SYNM: variants seen among roughly 807,000 people sequenced by gnomAD.
SYNM encodes the protein desmuslin.
SYNM carries 95 observed loss-of-function variants against 104.0 expected under a neutral mutation model. The observed-to-expected ratio is 0.91, with a 90% confidence interval of 0.77 to 1.08. SYNM has a LOEUF of 1.08. Ranked by LOEUF, SYNM falls within the 50% of genes least tolerant of loss-of-function variation. The probability of loss-of-function intolerance (pLI) is 0.00; values close to 1 mark genes in which losing one functional copy is unlikely to be tolerated. For synonymous variants in SYNM, 918 were observed against 869.0 expected (o/e 1.06, Z -0.99); for missense variants, 2,150 against 2,052.2 (o/e 1.05, Z -0.92).
intron 2 of SYNM, among the ~76,000 whole-genome samples, chr15:99,118,873 C>G (rs2067374146): frequency 6.6e-6 from 1 of 152,188 alleles, no homozygotes; most frequent in Non-Finnish European, 1.5e-5. Flanking sequence ...AGCACCATCC[C>G]TCCCTTTCCT....
Position 99,105,844 on chromosome 15 carries a change from C to T in SYNM, c.645C>T (p.Arg215=), listed in dbSNP as rs1555482619. The part of the protein sequence containing the change: ...EVRELEEALR[R]GQESRLQAEE... ...GCGAGCTGGAGGAGGCGCTGCGGCG[C>T]GGCCAGGAGAGCAGACTCCAGGCGG... The change falls in exon 1 of 4, where the codon CGC becomes CGT. Residue 215 remains arginine, a synonymous_variant. Transcript: ENST00000336292. 2 of 1,542,134 alleles carry T rather than the reference C, an allele frequency of 1.3e-6. No individual in the cohort carries two copies. The highest frequency in any genetic ancestry group is 2.4e-5 in the South Asian group (2 of 83,522).
Position 99,131,497 on chromosome 15 carries a change from C to T in SYNM, c.3137C>T (p.Ala1046Val), listed in dbSNP as rs367761964. ...AGCCTGAGCAGGCAACGCAGCCCAG[C>T]GCCTGGCAGCCCAGATGAGGAAGGT... is the stretch of plus-strand genomic sequence containing the variant. ...RESLSRQRSPAPGSPDEEGGA... is the reference protein window; with the variant it reads ...RESLSRQRSPVPGSPDEEGGA... The change falls in exon 4 of 4, where the codon GCG becomes GTG. Residue 1046 changes from alanine to valine, a missense_variant. Ala to Val is a moderately conservative substitution (Grantham distance 64, BLOSUM62 0). Coordinates refer to ENST00000336292, the MANE Select transcript of SYNM (RefSeq NM_145728.3). The surrounding 1 kb of genome is among the most constrained non-coding windows in gnomAD (Gnocchi z 4.3). 44 of 1,606,046 alleles carry T rather than the reference C, an allele frequency of 2.7e-5. No homozygotes were observed. Among genetic ancestry groups the T allele is most frequent in the African/African-American group, 2.4e-4 (18 of 74,922 alleles).
At chr15:99,120,419 G>A (rs1027810627) in intron 2 of SYNM, among the ~76,000 whole-genome samples, 9 of 152,182 alleles carry the variant, frequency 5.9e-5, no homozygotes, top group African/African-American at 1.7e-4. Flanking sequence ...GGAATGGCCA[G>A]GGGGAGGCCC....
rs1247171585 is a variant in SYNM, at chr15:99,129,543, A to G, written c.1183A>G (p.Arg395Gly). 1.9e-6 allele frequency: 3 copies of G among 1,613,908 alleles called. No individual in the cohort carries two copies. The African/African-American group carries it at 4.0e-5, about 22-fold the overall frequency. The change falls in exon 4 of 4, where the codon AGA becomes GGA. Residue 395 changes from arginine (R) to glycine (G), a missense_variant. Arg to Gly is a moderately radical substitution (Grantham distance 125). Transcript: ENST00000336292. ...GGGCACATCTATTGGAGGTGATGCCAGAAGAGGCTTCTTGGGCTCGGGATA... is the reference window on the plus strand; with the variant it reads ...GGGCACATCTATTGGAGGTGATGCCGGAAGAGGCTTCTTGGGCTCGGGATA... ...QTGTSIGGDA[R>G]RGFLGSGYSS...
chr15:99,114,350 C>T (rs35449709), intron 2 of SYNM, among the ~76,000 whole-genome samples: 4 of 151,738 alleles, frequency 2.6e-5, no homozygotes, highest in Admixed American at 1.3e-4. Flanking sequence ...ATGAGAACAG[C>T]GTGGGGAAAA....
At chr15:99,137,268 TCAGGA>T (rs2067664533), downstream of SYNM, 1 of 152,320 alleles carries the variant, frequency 6.6e-6, no homozygotes, top group Non-Finnish European at 1.5e-5. Flanking sequence ...GTGTGCCAAC[TCAGGA>T]AGCAGCTCCA....
rs782797536 is a variant in SYNM, at chr15:99,132,625, C to T, written c.4265C>T (p.Pro1422Leu). 2 of 1,614,018 alleles carry T rather than the reference C, an allele frequency of 1.2e-6. No homozygotes were observed. Among genetic ancestry groups the T allele is most frequent in the South Asian group, 2.2e-5 (2 of 91,074 alleles). Reference protein sequence around the residue: ...ETSEHIAIRGPVSRTFVLAGS... With the variant: ...ETSEHIAIRGLVSRTFVLAGS... ...TCTGAACACATTGCCATCCGTGGACCCGTGTCCAGAACATTTGTGCTTGCT... is the reference window on the plus strand; with the variant it reads ...TCTGAACACATTGCCATCCGTGGACTCGTGTCCAGAACATTTGTGCTTGCT... Residue 1422 changes from proline to leucine, a missense_variant, in exon 4 of 4, where the codon CCC becomes CTC. Physicochemically the swap from Pro to Leu is moderately conservative, Grantham distance 98. Transcript: ENST00000336292.
At position 99,113,596 on chromosome 15, in the gene SYNM, G is replaced by A. The variant is rs782342815; in HGVS notation, c.816G>A (p.Val272=). Residue 272 remains valine (V), a synonymous_variant, in exon 2 of 4, where the codon GTG becomes GTA. Transcript: ENST00000336292. The part of the protein sequence containing the change: ...YGIQAEERQR[V]IDCLEDEKAT... ...AGTCTGTCTATTCTCTTTAGAGAGT[G>A]ATTGACTGCCTGGAGGATGAGAAGG... 80 of 1,613,104 alleles carry A rather than the reference G, an allele frequency of 5.0e-5. No individual in the cohort carries two copies. The highest frequency in any genetic ancestry group is 6.6e-5 in the Non-Finnish European group (78 of 1,179,554).
chr15:99,115,259 C>T (rs2067336893), intron 2 of SYNM, among the ~76,000 whole-genome samples: 1 of 152,118 alleles, frequency 6.6e-6, no homozygotes, highest in Non-Finnish European at 1.5e-5. Context: ...GTCTGGTCAT[C>T]TCCAGTGGTG....
intron 2 of SYNM, among the ~76,000 whole-genome samples, chr15:99,123,369 C>T (rs546173642): frequency 1.3e-5 from 2 of 151,390 alleles, no homozygotes; most frequent in Admixed American, 1.3e-4. Flanking sequence ...GAATACTGAC[C>T]CCAGAAGCGA....
Position 99,105,883 on chromosome 15 carries a change from G to A in SYNM, c.684G>A (p.Arg228=), listed in dbSNP as rs1555482646. ...ESRLQAEEET[R]LCAQEAEALR... ...GACTCCAGGCGGAGGAAGAGACGCG[G>A]CTGTGCGCGCAGGAGGCAGAGGCGC... Residue 228 remains arginine (R), a synonymous_variant, in exon 1 of 4, where the codon CGG becomes CGA. Transcript: ENST00000336292. 1 of 1,540,002 alleles carries A rather than the reference G, an allele frequency of 6.5e-7. No individual in the cohort carries two copies.
chr15:99,139,594 GT>G (rs2067981862), downstream of SYNM: 1 of 1,531,484 alleles, frequency 6.5e-7, no homozygotes, highest in African/African-American at 1.4e-5. Flanking sequence ...AAAGTGAACA[GT>G]TTTAGCACTA....
At chr15:99,136,477 T>TTCC (rs1555486863), downstream of SYNM, 1 of 152,260 alleles carries the variant, frequency 6.6e-6, no homozygotes, top group East Asian at 1.9e-4. Flanking sequence ...ACAGTTTCAT[T>TTCC]TCCTGGTGAG....
rs571239456 is a variant in SYNM, at chr15:99,132,635, A to G, written c.4275A>G (p.Arg1425=). ...TTGCCATCCGTGGACCCGTGTCCAG[A>G]ACATTTGTGCTTGCTGGTTCAGCGG... is the stretch of plus-strand genomic sequence containing the variant. The part of the protein sequence containing the change: ...EHIAIRGPVS[R]TFVLAGSADS... Residue 1425 remains arginine, a synonymous_variant, in exon 4 of 4, where the codon AGA becomes AGG. Transcript: ENST00000336292. The G allele has an allele frequency of 2.8e-5, 45 of 1,614,026 alleles. No homozygotes were observed. Among genetic ancestry groups the G allele is most frequent in the Non-Finnish European group, 3.6e-5 (42 of 1,179,894 alleles).
In SYNM at chr15:99,105,185, C is replaced by A. The variant is rs1226705677; in HGVS notation, c.-15C>A. The A allele has an allele frequency of 1.3e-6, 2 of 1,569,424 alleles. No individual in the cohort carries two copies. The highest frequency in any genetic ancestry group is 8.6e-7 in the Non-Finnish European group (1 of 1,161,566). On this transcript the variant is annotated 5_prime_UTR_variant, in exon 1 of 4. Coordinates refer to ENST00000336292, the MANE Select transcript of SYNM (RefSeq NM_145728.3). ...GGGAGCCGGCCAGCCGCGAGAACCC[C>A]GCACGCCCGGCAAGATGCTGTCCTG...
intron 2 of SYNM, among the ~76,000 whole-genome samples, chr15:99,123,618 G>C (rs1180074966): frequency 1.3e-5 from 2 of 152,230 alleles, no homozygotes; most frequent in Non-Finnish European, 2.9e-5. Flanking sequence ...GCAGTGAGGA[G>C]TCGAGGGAGG....
chr15:99,106,363 A>C (rs1347398069), intron 1 of SYNM, among the ~76,000 whole-genome samples: 1 of 152,232 alleles, frequency 6.6e-6, no homozygotes, highest in East Asian at 1.9e-4. Flanking sequence ...CAGTAGACCC[A>C]GATCTAAGAG....
Position 99,133,112 on chromosome 15 carries a change from A to G in SYNM, c.*54A>G. ...GCCTGTTGGCGACGTGCCAACATCC[A>G]AAGGCCTTAACTTATTTTAAGAGGC... On this transcript the variant is annotated 3_prime_UTR_variant, in exon 4 of 4. Coordinates refer to ENST00000336292, the MANE Select transcript of SYNM (RefSeq NM_145728.3). 5.0e-6 allele frequency: 8 copies of G among 1,594,802 alleles called. No homozygotes were observed. The highest frequency in any genetic ancestry group is 6.8e-6 in the Non-Finnish European group (8 of 1,176,252).
In SYNM at chr15:99,131,670, G is replaced by A. The variant is rs1451370171; in HGVS notation, c.3310G>A (p.Glu1104Lys). The change falls in exon 4 of 4, where the codon GAG (glutamate) becomes AAG (lysine). Residue 1104 changes from glutamate to lysine, a missense_variant. Coordinates refer to ENST00000336292, the MANE Select transcript of SYNM (RefSeq NM_145728.3). This position sits in a 1 kb window ranked among gnomAD's most constrained non-coding sequence, Gnocchi z 4.3. ...TPQGPVSATVEVSSPTGFAQS... is the reference protein window; with the variant it reads ...TPQGPVSATVKVSSPTGFAQS... ...CCAGGGCCCAGTGTCGGCCACTGTGGAGGTCAGCAGCCCCACAGGCTTTGC... is the reference window on the plus strand; with the variant it reads ...CCAGGGCCCAGTGTCGGCCACTGTGAAGGTCAGCAGCCCCACAGGCTTTGC... 1.9e-6 allele frequency: 3 copies of A among 1,612,450 alleles called. No individual in the cohort carries two copies. Among genetic ancestry groups the A allele is most frequent in the Non-Finnish European group, 2.5e-6 (3 of 1,179,684 alleles).
Sources: allele counts gnomAD v4.1 joint callset (sites outside exome capture counted in the v4.1 genomes callset), GRCh38; gene constraint gnomAD v4.1.1; non-coding constraint Gnocchi (gnomAD v3.1); transcripts MANE v1.5; gene names NCBI Gene and HGNC (gene_info 2026-07-23, HGNC 2026-07-21).